ZNF469: variants seen among roughly 807,000 people sequenced by gnomAD.
The protein encoded by ZNF469 is zinc finger protein 469.
ZNF469 carries 1 observed loss-of-function variant against 1.0 expected under a neutral mutation model. The ratio of observed to expected loss-of-function variants is 1.00; its 90% confidence interval spans 0.35 to 4.73. The LOEUF (loss-of-function observed/expected upper bound fraction) is 4.73, where lower values mean the gene tolerates loss of function less well. ZNF469 is among the 30% of genes most tolerant of loss of function. The probability of loss-of-function intolerance (pLI) is 0.16; values close to 1 mark genes in which losing one functional copy is unlikely to be tolerated. For missense variants in ZNF469, 6,100 were observed against 5,356.3 expected, an observed-to-expected ratio of 1.14 and a Z score of -4.33; for synonymous variants, 2,703 against 2,363.4, an observed-to-expected ratio of 1.14 and a Z score of -4.17.
intron 1 of ZNF469, among the ~76,000 whole-genome samples, chr16:88,393,925 G>A (rs1904567208): frequency 6.6e-6 from 1 of 152,258 alleles, no homozygotes; most frequent in Non-Finnish European, 1.5e-5. Flanking sequence ...CCTCAGGAAG[G>A]AGGGGCTCAT....
At chr16:88,351,146 T>C in the ZNF469 span, among the ~76,000 whole-genome samples, 4 of 152,160 alleles carry the variant, frequency 2.6e-5, no homozygotes, top group African/African-American at 9.7e-5. Flanking sequence ...GAAAGGGTGA[T>C]AGGTGACAGG....
the ZNF469 span, among the ~76,000 whole-genome samples, chr16:88,180,915 G>A: frequency 3.9e-5 from 6 of 152,234 alleles, no homozygotes; most frequent in East Asian, 1.9e-4. Context: ...CCTGAGTATC[G>A]TTGGAAACTT....
At chr16:88,366,410 ACAC>A in the ZNF469 span, among the ~76,000 whole-genome samples, 11 of 134,858 alleles carry the variant, frequency 8.2e-5, no homozygotes, top group African/African-American at 3.2e-4. Context: ...ACCTTCACCA[ACAC>A]CACCATCATC....
chr16:88,410,987 G>A (rs1224813941), intron 1 of ZNF469, among the ~76,000 whole-genome samples: 1 of 152,136 alleles, frequency 6.6e-6, no homozygotes, highest in African/African-American at 2.4e-5. Flanking sequence ...TCTTCACGTG[G>A]CCTCCTCCTG....
the ZNF469 span, among the ~76,000 whole-genome samples, chr16:88,279,958 C>T: frequency 4.0e-5 from 6 of 150,300 alleles, no homozygotes; most frequent in East Asian, 2.0e-4. Context: ...TGCTGCGCCA[C>T]GCTGACACTC....
At chr16:88,122,120 TGTGGCCACA>T in the ZNF469 span, among the ~76,000 whole-genome samples, 1 of 145,416 alleles carries the variant, frequency 6.9e-6, no homozygotes, top group Non-Finnish European at 1.5e-5. Context: ...TGTCACTCAC[TGTGGCCACA>T]GTGGCCACTC....
chr16:88,349,822 ACACACGAGGCACC>A, the ZNF469 span, among the ~76,000 whole-genome samples: 2 of 1,370 alleles, frequency 1.5e-3, no homozygotes, highest in Non-Finnish European at 3.3e-3. Context: ...ACAAATGCAC[ACACACGAGGCACC>A]ATACACACCA....
chr16:88,340,482 T>C, the ZNF469 span, among the ~76,000 whole-genome samples: 1 of 152,134 alleles, frequency 6.6e-6, no homozygotes, highest in Non-Finnish European at 1.5e-5. Context: ...CCAGGTGACA[T>C]AGGCCAGACA....
At position 88,435,525 on chromosome 16, in the gene ZNF469, T is replaced by C. The variant is rs940115219; in HGVS notation, c.8055T>C (p.Pro2685=). 5.8e-5 allele frequency: 90 copies of C among 1,549,316 alleles called. No homozygotes were observed. Among genetic ancestry groups the C allele is most frequent in the Non-Finnish European group, 6.8e-5 (78 of 1,146,956 alleles). Residue 2685 remains proline (P), a synonymous_variant, in exon 3 of 3, where the codon CCT becomes CCC. Transcript: ENST00000565624. ...PSHCLSVEGG[P]EADGEQPPRL... The stretch of plus-strand genomic sequence containing the variant: ...ACTGCCTCTCTGTGGAAGGAGGGCC[T>C]GAGGCTGACGGGGAGCAGCCGCCTC...
upstream of ZNF469, among the ~76,000 whole-genome samples, chr16:88,378,945 GGGGTGCGGCCTTGCTCTCAAGGTGCAT>G (rs1218144096): frequency 2.0e-5 from 3 of 152,226 alleles, no homozygotes; most frequent in African/African-American, 4.8e-5. Context: ...ACACGTGGCA[GGGGTGCGGCCTTGCTCTCAAGGTGCAT>G]GGTTGTCAGG....
At chr16:88,270,655 C>T in the ZNF469 span, among the ~76,000 whole-genome samples, 1 of 152,230 alleles carries the variant, frequency 6.6e-6, no homozygotes, top group African/African-American at 2.4e-5. Flanking sequence ...GTATCCAAAG[C>T]AATCATGCTC....
chr16:88,386,380 T>C (rs2092536828), intron 1 of ZNF469, among the ~76,000 whole-genome samples: 1 of 151,884 alleles, frequency 6.6e-6, no homozygotes, highest in African/African-American at 2.4e-5. Context: ...GACCCCACCG[T>C]CCCGCCCCAT....
the ZNF469 span, among the ~76,000 whole-genome samples, chr16:88,198,988 C>T: frequency 6.6e-6 from 1 of 152,220 alleles, no homozygotes; most frequent in Non-Finnish European, 1.5e-5. Flanking sequence ...TGTTAGCTGG[C>T]TTGGGGTCTT....
At chr16:88,193,966 C>G in the ZNF469 span, among the ~76,000 whole-genome samples, 2 of 152,202 alleles carry the variant, frequency 1.3e-5, no homozygotes, top group African/African-American at 4.8e-5. Context: ...GGCCCCACTT[C>G]CTAATCCCAT....
chr16:88,130,660 C>A, the ZNF469 span, among the ~76,000 whole-genome samples: 32 of 146,538 alleles, frequency 2.2e-4, no homozygotes, highest in African/African-American at 7.8e-4. Context: ...GAGCCGAGAT[C>A]GCGCCATTGC....
the ZNF469 span, among the ~76,000 whole-genome samples, chr16:88,241,846 G>GGC: frequency 1.3e-5 from 2 of 152,222 alleles, no homozygotes; most frequent in Non-Finnish European, 2.9e-5. The surrounding 1 kb of genome is among the most constrained non-coding windows in gnomAD (Gnocchi z 4.8). Context: ...GCTCCAGCAA[G>GGC]TTCAGGGCCC....
chr16:88,138,859 G>A, the ZNF469 span, among the ~76,000 whole-genome samples: 5 of 152,224 alleles, frequency 3.3e-5, no homozygotes, highest in African/African-American at 9.6e-5. Context: ...TGAGGTCATC[G>A]CCAAAGGAAT....
the ZNF469 span, among the ~76,000 whole-genome samples, chr16:88,233,120 C>T: frequency 6.6e-6 from 1 of 152,206 alleles, no homozygotes; most frequent in African/African-American, 2.4e-5. Flanking sequence ...ACTCACTGTT[C>T]CTGTGTGGGG....
chr16:88,395,223 A>T (rs1031801700), intron 1 of ZNF469, among the ~76,000 whole-genome samples: 3 of 136,500 alleles, frequency 2.2e-5, no homozygotes, highest in African/African-American at 2.9e-5. Flanking sequence ...GGGTGGATGG[A>T]TGGGTGGATG....
Sources: gnomAD v4.1 joint callset for allele counts (sites outside exome capture counted in the v4.1 genomes callset) on GRCh38, gnomAD v4.1.1 for gene constraint, Gnocchi (gnomAD v3.1) non-coding constraint, MANE v1.5 for transcripts, NCBI Gene and HGNC (gene_info 2026-07-23, HGNC 2026-07-21) for gene names.